The following SP140 variants were observed in gnomAD, a reference collection of about 807,000 sequenced individuals.
SP140 encodes SP140 nuclear body protein.
SP140 carries 81 observed loss-of-function variants against 125.0 expected under a neutral mutation model. The ratio of observed to expected loss-of-function variants is 0.65; its 90% CI spans 0.54 to 0.78. The LOEUF (loss-of-function observed/expected upper bound fraction) is 0.78, where lower values mean the gene tolerates loss of function less well. Ranked by LOEUF, SP140 falls within the 30% of genes least tolerant of loss-of-function variation. SP140 has a pLI of 0.00. For missense variants in SP140, 858 were observed against 1,037.0 expected, an observed-to-expected ratio of 0.83 and a Z score of 2.37; for synonymous variants, 312 against 354.0, an observed-to-expected ratio of 0.88 and a Z score of 1.33.
At chr2:230,240,461 T>C (rs1204008079) in intron 3 of SP140, among the ~76,000 whole-genome samples, 2 of 152,062 alleles carry the variant, frequency 1.3e-5, no homozygotes, top group African/African-American at 4.8e-5. Context: ...CTCCTATAAA[T>C]GAATAATAAA....
At chr2:230,254,319 TGA>T (rs1434648241) in intron 11 of SP140, among the ~76,000 whole-genome samples, 1 of 152,166 alleles carries the variant, frequency 6.6e-6, no homozygotes, top group Non-Finnish European at 1.5e-5. Context: ...CTATCAATAG[TGA>T]GTTTTCTGAT....
rs559396131 is a variant in SP140 at position 230,268,279 on chromosome 2, T to C, written c.1241-1253T>C. Among the ~76,000 whole-genome samples the C allele has an allele frequency of 1.2e-4, 18 of 152,016 alleles. No individual in the cohort carries two copies. The South Asian group carries it at 3.5e-3, about 30-fold the overall frequency. On this transcript the variant is annotated intron_variant, in intron 12 of 26. Coordinates refer to ENST00000392045, the MANE Select transcript of SP140 (RefSeq NM_007237.5). ...TGGCTCATGCCTATAATCCCAGCAC[T>C]TTGGGAGGCCGAGATGAGTGGATCA...
intron 16 of SP140, 125 bp downstream of exon 16, chr2:230,284,536 A>G (rs1158531011): frequency 1.9e-5 from 14 of 722,270 alleles, no homozygotes; most frequent in Non-Finnish European, 2.8e-5. Flanking sequence ...TAGGATGTAG[A>G]CTAACAGGCT....
At chr2:230,280,067 T>C (rs1315694740) in intron 15 of SP140, among the ~76,000 whole-genome samples, 1 of 152,210 alleles carries the variant, frequency 6.6e-6, no homozygotes, top group African/African-American at 2.4e-5. Context: ...ACAACTTTCT[T>C]GTTTAAATTT....
At chr2:230,315,423 G>A (rs558750975), downstream of SP140, among the ~76,000 whole-genome samples, 10 of 152,232 alleles carry the variant, frequency 6.6e-5, 1 homozygote, top group East Asian at 1.9e-3. Context: ...GGGACTCAAA[G>A]CCCTATCATA....
At position 230,283,125 on chromosome 2, in the gene SP140, G is replaced by A. The variant is rs1408262290; in HGVS notation, c.1499-1221G>A. On this transcript the variant is annotated intron_variant, in intron 15 of 26. Coordinates refer to ENST00000392045, the MANE Select transcript of SP140 (RefSeq NM_007237.5). The stretch of plus-strand genomic sequence containing the variant: ...CCCAGCCCCTGCCATCTCATGGCTG[G>A]TGCAGAGAGGCTGACTCAGCATTCT... Among the ~76,000 whole-genome samples the A allele has an allele frequency of 3.9e-5, 6 of 152,306 alleles. No individual in the cohort carries two copies. In the East Asian group the frequency reaches 1.2e-3, roughly 29 times the overall value.
chr2:230,261,560 C>A (rs781595250), intron 12 of SP140, among the ~76,000 whole-genome samples: 9 of 152,096 alleles, frequency 5.9e-5, no homozygotes, highest in Non-Finnish European at 8.8e-5. Context: ...TTCAACATTT[C>A]CCCATTCAGT....
At chr2:230,294,358 A>C in intron 21 of SP140, 40 bp downstream of exon 21, 1 of 1,492,250 alleles carries the variant, frequency 6.7e-7, no homozygotes, top group Non-Finnish European at 9.3e-7. Flanking sequence ...TTGTCACATA[A>C]CTGATTTAGC....
chr2:230,215,802 A>C (rs542785593), intron 3 of SP140, among the ~76,000 whole-genome samples: 1 of 152,378 alleles, frequency 6.6e-6, no homozygotes, highest in African/African-American at 2.4e-5. Context: ...ATGAGCATTA[A>C]TAAACACAAA....
At chr2:230,202,383 G>A (rs1012775091), upstream of SP140, among the ~76,000 whole-genome samples, 3 of 152,152 alleles carry the variant, frequency 2.0e-5, no homozygotes, top group African/African-American at 4.8e-5. Flanking sequence ...CTGTGAACAC[G>A]TCTGTTTCTT....
upstream of SP140, among the ~76,000 whole-genome samples, chr2:230,222,733 C>T (rs1469635104): frequency 1.3e-5 from 2 of 150,926 alleles, no homozygotes; most frequent in Admixed American, 6.6e-5. Context: ...TTCTGTTACC[C>T]TAGAAAGTTC....
chr2:230,312,619 G>A lies in SP140; in HGVS notation c.2539G>A (p.Glu847Lys). 1 of 1,612,788 alleles carries A rather than the reference G, an allele frequency of 6.2e-7. No homozygotes were observed. Among genetic ancestry groups the A allele is most frequent in the Non-Finnish European group, 8.5e-7 (1 of 1,179,196 alleles). Reference protein sequence around the residue: ...KDFGQMGFRLEAEFEKNFKEV... With the variant: ...KDFGQMGFRLKAEFEKNFKEV... Reference sequence around the variant, plus strand: ...TTTTGGCCAAATGGGATTTAGACTGGAGGCTGAGTTTGAGAAGAATTTCAA... The same window carrying A: ...TTTTGGCCAAATGGGATTTAGACTGAAGGCTGAGTTTGAGAAGAATTTCAA... Residue 847 changes from glutamate (E) to lysine (K), a missense_variant, in exon 27 of 27, where the codon GAG becomes AAG. This residue lies in a region of SP140 where 43 missense variants were observed against 35.1 expected (regional missense o/e 1.23). Coordinates refer to ENST00000392045, the MANE Select transcript of SP140 (RefSeq NM_007237.5).
chr2:230,274,686 A>C (rs892586806), intron 15 of SP140, among the ~76,000 whole-genome samples: 102 of 152,206 alleles, frequency 6.7e-4, no homozygotes, highest in Non-Finnish European at 1.3e-3. Context: ...AGACAAAAAA[A>C]AAATTTCACC....
chr2:230,269,616 C>A lies in SP140; in HGVS notation c.1325C>A (p.Pro442Gln). 1 of 1,519,084 alleles carries A rather than the reference C, an allele frequency of 6.6e-7. No individual in the cohort carries two copies. 94.1% of individuals were successfully genotyped at this position (1,519,084 alleles called of 1,614,324 possible). ...LASSLLYDNV[P>Q]GAEQSAYENE... Reference sequence around the variant, plus strand: ...TCTAGCCTGCTATATGATAATGTACCAGGTAATTATGACTTAAAAATAGTG... The same window carrying A: ...TCTAGCCTGCTATATGATAATGTACAAGGTAATTATGACTTAAAAATAGTG... The change falls in exon 13 of 27, where the codon CCA (proline) becomes CAA (glutamine). Residue 442 changes from proline (P) to glutamine (Q), a missense_variant and splice_region_variant. Pro to Gln is a moderately conservative substitution (Grantham distance 76, BLOSUM62 -1). Coordinates refer to ENST00000392045, the MANE Select transcript of SP140 (RefSeq NM_007237.5).
At chr2:230,227,707 G>A (rs2046661821) in intron 1 of SP140, among the ~76,000 whole-genome samples, 1 of 152,168 alleles carries the variant, frequency 6.6e-6, no homozygotes, top group South Asian at 2.1e-4. Context: ...AAATTTGTAG[G>A]TGTAGAGTCC....
At chr2:230,213,502 G>A (rs1013824120) in intron 1 of SP140, among the ~76,000 whole-genome samples, 1 of 152,162 alleles carries the variant, frequency 6.6e-6, no homozygotes, top group Non-Finnish European at 1.5e-5. Context: ...TGCAGAGTCA[G>A]CTTCTGTGCC....
intron 15 of SP140, among the ~76,000 whole-genome samples, chr2:230,282,069 G>A (rs1009456318): frequency 6.6e-6 from 1 of 152,120 alleles, no homozygotes; most frequent in African/African-American, 2.4e-5. Flanking sequence ...GGGATTATAA[G>A]GGGACCAATA....
At chr2:230,290,256 T>C (rs2056959154) in intron 18 of SP140, among the ~76,000 whole-genome samples, 1 of 152,208 alleles carries the variant, frequency 6.6e-6, no homozygotes, top group African/African-American at 2.4e-5. Flanking sequence ...TTCTATTTTG[T>C]ATGAAATTTG....
At chr2:230,289,803 C>T (rs2149474883) in intron 18 of SP140, among the ~76,000 whole-genome samples, 1 of 152,256 alleles carries the variant, frequency 6.6e-6, no homozygotes, top group Non-Finnish European at 1.5e-5. Context: ...GGGAAGGATT[C>T]ACTGCTCACC....
Sources: gnomAD v4.1 joint callset for allele counts (sites outside exome capture counted in the v4.1 genomes callset) on GRCh38, gnomAD v4.1.1 for gene constraint, gnomAD v4.1.1 regional missense constraint, MANE v1.5 for transcripts, NCBI Gene and HGNC (gene_info 2026-07-23, HGNC 2026-07-21) for gene names.